The following ZC3HC1 variants were observed in gnomAD, a reference collection of about 807,000 sequenced individuals.
ZC3HC1 encodes zinc finger C3HC-type protein 1.
A neutral mutation model predicts 61.9 loss-of-function variants in ZC3HC1; 38 were observed. The ratio of observed to expected loss-of-function variants is 0.61; its 90% CI spans 0.47 to 0.81. The LOEUF is 0.81. Ranked by LOEUF, ZC3HC1 falls within the 30% of genes least tolerant of loss-of-function variation. The pLI is 0.00. For missense variants in ZC3HC1, 554 were observed against 622.7 expected (o/e 0.89, Z 1.17); for synonymous variants, 213 against 229.9 (o/e 0.93, Z 0.67).
chr7:130,024,406 C>G lies in ZC3HC1; in HGVS notation c.877G>C (p.Asp293His), dbSNP rs1306170163. 1 of 1,614,152 alleles carries G rather than the reference C, an allele frequency of 6.2e-7. No homozygotes were observed. The highest frequency in any genetic ancestry group is 2.2e-5 in the East Asian group (1 of 44,878). Reference protein sequence around the residue: ...GFQQIESSMTDLDASFGLTSS... With the variant: ...GFQQIESSMTHLDASFGLTSS... ...GTCAGGCCAAAGGATGCATCCAGGT[C>G]AGTCATGGACGATTCAATCTGCTGG... is the stretch of plus-strand genomic sequence containing the variant. Residue 293 changes from aspartate to histidine, a missense_variant, in exon 7 of 10, where the codon GAC (aspartate) becomes CAC (histidine). By Grantham distance (81) the Asp-to-His change is moderately conservative. Coordinates refer to ENST00000358303, the MANE Select transcript of ZC3HC1 (RefSeq NM_016478.5).
chr7:130,025,032 A>T (rs1476736667), intron 6 of ZC3HC1, among the ~76,000 whole-genome samples: 5 of 147,472 alleles, frequency 3.4e-5, no homozygotes, highest in Non-Finnish European at 7.4e-5. Flanking sequence ...CAGCCTCCTG[A>T]GTAGCTGGGA....
chr7:130,047,348 G>A (rs993368873), intron 2 of ZC3HC1, among the ~76,000 whole-genome samples: 1 of 151,890 alleles, frequency 6.6e-6, no homozygotes, highest in African/African-American at 2.4e-5. Context: ...CGCCCACCTT[G>A]GCCTCCTAAA....
chr7:130,024,090 G>C (rs1352230078), intron 7 of ZC3HC1, among the ~76,000 whole-genome samples, 173 bp downstream of exon 7: 1 of 152,150 alleles, frequency 6.6e-6, no homozygotes, highest in African/African-American at 2.4e-5. Context: ...GTGAGCCACC[G>C]GGTCTGGCTG....
chr7:130,030,457 C>G (rs1482053254), intron 4 of ZC3HC1, among the ~76,000 whole-genome samples: 2 of 152,082 alleles, frequency 1.3e-5, no homozygotes, highest in Non-Finnish European at 2.9e-5. Flanking sequence ...ACCTTGGCCT[C>G]CCAAAGTGCT....
chr7:130,043,050 C>T (rs1434456785), intron 2 of ZC3HC1, among the ~76,000 whole-genome samples: 2 of 151,996 alleles, frequency 1.3e-5, no homozygotes, highest in Non-Finnish European at 2.9e-5. Flanking sequence ...CTGAGACGGG[C>T]GGATCACTTG....
rs1183181309 is a variant in ZC3HC1, at chr7:130,024,166, A to G, written c.1020+97T>C. ...ATCGTAACCAATGTAGTGGGAAGAG[A>G]AGCCTATCCACCTAAATTAATTTCC... is the stretch of plus-strand genomic sequence containing the variant. On this transcript the variant is annotated intron_variant, in intron 7 of 9. Coordinates refer to ENST00000358303, the MANE Select transcript of ZC3HC1 (RefSeq NM_016478.5). The G allele has an allele frequency of 2.1e-6, 3 of 1,455,964 alleles. No individual in the cohort carries two copies. The Admixed American group carries it at 6.6e-5, about 32-fold the overall frequency. 90.2% of individuals were successfully genotyped at this position (1,455,964 alleles called of 1,614,324 possible).
At chr7:130,040,537 G>A (rs182430274) in intron 3 of ZC3HC1, among the ~76,000 whole-genome samples, 1 of 149,578 alleles carries the variant, frequency 6.7e-6, no homozygotes, top group African/African-American at 2.5e-5. Context: ...CAGGCACTAT[G>A]GCTTACCCCT....
intron 4 of ZC3HC1, among the ~76,000 whole-genome samples, chr7:130,034,583 T>C (rs1286315791): frequency 6.6e-6 from 1 of 151,330 alleles, no homozygotes; most frequent in Non-Finnish European, 1.5e-5. Flanking sequence ...TAACTTGGAA[T>C]TCCTGGGTTA....
At chr7:130,038,566 A>G (rs1050320991) in intron 4 of ZC3HC1, among the ~76,000 whole-genome samples, 2 of 152,146 alleles carry the variant, frequency 1.3e-5, no homozygotes, top group Non-Finnish European at 2.9e-5. Flanking sequence ...CACCTAAATG[A>G]ACTGGGTTAT....
At chr7:130,021,683 A>T (rs1301084736) in intron 9 of ZC3HC1, among the ~76,000 whole-genome samples, 1 of 152,230 alleles carries the variant, frequency 6.6e-6, no homozygotes, top group Non-Finnish European at 1.5e-5. Context: ...ATGAAAGAAA[A>T]AGCAGCTGTC....
chr7:130,022,238 T>G (rs892886091), intron 9 of ZC3HC1, 81 bp downstream of exon 9: 15 of 1,537,640 alleles, frequency 9.8e-6, no homozygotes, highest in Admixed American at 3.5e-5. Context: ...GCAGGCGGGG[T>G]GCTAATTATA....
intron 9 of ZC3HC1, among the ~76,000 whole-genome samples, chr7:130,021,592 G>A (rs988781795): frequency 6.6e-6 from 1 of 152,174 alleles, no homozygotes; most frequent in African/African-American, 2.4e-5. Flanking sequence ...CGTGCGGAAT[G>A]AGGCCATCAT....
chr7:130,041,090 C>A lies in ZC3HC1; in HGVS notation c.270G>T (p.Trp90Cys). ...GAGACAGCTCAAAGGGCTTACCTGC[C>A]CATTTCAAAGAGTATCCATGTTAAG... Reference protein sequence around the residue: ...SRVETFSSLKWAGKPFELSPL... With the variant: ...SRVETFSSLKCAGKPFELSPL... The change falls in exon 3 of 10, where the codon TGG becomes TGT. Residue 90 changes from tryptophan to cysteine, a missense_variant. Coordinates refer to ENST00000358303, the MANE Select transcript of ZC3HC1 (RefSeq NM_016478.5). The A allele has an allele frequency of 6.2e-7, 1 of 1,610,384 alleles. No homozygotes were observed. Among genetic ancestry groups the A allele is most frequent in the Non-Finnish European group, 8.5e-7 (1 of 1,179,228 alleles).
chr7:130,051,294 G>T lies in ZC3HC1; in HGVS notation c.73C>A (p.Pro25Thr), dbSNP rs779499534. 1 of 1,613,078 alleles carries T rather than the reference G, an allele frequency of 6.2e-7. No individual in the cohort carries two copies. Among genetic ancestry groups the T allele is most frequent in the African/African-American group, 1.3e-5 (1 of 74,980 alleles). The change falls in exon 1 of 10, where the codon CCA becomes ACA. Residue 25 changes from proline (P) to threonine (T), a missense_variant. Physicochemically the swap from Pro to Thr is conservative, Grantham distance 38. Coordinates refer to ENST00000358303, the MANE Select transcript of ZC3HC1 (RefSeq NM_016478.5). ...EKNWGAVVRS[P>T]EGTPQKIRQL... ...CGGATTTTCTGGGGGGTCCCTTCTG[G>T]GGAGCGAACTACTGCACCCCAATTC...
In ZC3HC1 at chr7:130,023,806, CTTTTTTT is replaced by C. The variant is rs544479881; in HGVS notation, c.1021-90_1021-84del. ...AATACTTCTTTCTTTAATCTTTTTT[CTTTTTTT>C]TTTTGAGACAGAGTCTCGCTTTGTT... On this transcript the variant is annotated intron_variant, in intron 7 of 9. Transcript: ENST00000358303. The surrounding 1 kb of genome is among the most constrained non-coding windows in gnomAD (Gnocchi z 4.2). 3 of 986,286 alleles carry C rather than the reference CTTTTTTT, an allele frequency of 3.0e-6. No individual in the cohort carries two copies. Among genetic ancestry groups the C allele is most frequent in the Non-Finnish European group, 4.2e-6 (3 of 720,338 alleles). The allele number at this position is 986,286 out of a possible 1,614,324, so 61.1% of individuals were successfully genotyped here.
chr7:130,026,351 C>A (rs773745367), intron 5 of ZC3HC1, 39 bp from the exon 6 acceptor site: 3 of 1,583,072 alleles, frequency 1.9e-6, no homozygotes, highest in Non-Finnish European at 1.7e-6. Context: ...TTTCAACCAC[C>A]ATAAAAAGAA....
chr7:130,021,395 C>A (rs918389441), intron 9 of ZC3HC1, among the ~76,000 whole-genome samples: 3 of 152,136 alleles, frequency 2.0e-5, no homozygotes, highest in Admixed American at 2.0e-4. Context: ...AGTGAGCCAG[C>A]GAAGGAGAGA....
Position 130,043,027 on chromosome 7 carries a change from G to A in ZC3HC1, c.259-1926C>T, listed in dbSNP as rs1054060414. On this transcript the variant is annotated intron_variant, in intron 2 of 9. Transcript: ENST00000358303. ...ATGTGGGCCGGGTGCGGTGGCCCCA[G>A]CACTTTGGGAGGCTGAGACGGGCGG... 7.2e-5 allele frequency among the ~76,000 whole-genome samples: 11 copies of A among 152,164 alleles called. 1 individual carries two copies. In the South Asian group the frequency reaches 2.3e-3, roughly 31 times the overall value.
At chr7:130,049,642 TC>T (rs1020423507) in intron 1 of ZC3HC1, among the ~76,000 whole-genome samples, 2 of 151,960 alleles carry the variant, frequency 1.3e-5, no homozygotes, top group Non-Finnish European at 2.9e-5. Flanking sequence ...CCTCCCAGGT[TC>T]AAGCAATTCT....
Sources: gnomAD v4.1 joint callset for allele counts (sites outside exome capture counted in the v4.1 genomes callset) on GRCh38, gnomAD v4.1.1 for gene constraint, Gnocchi (gnomAD v3.1) non-coding constraint, MANE v1.5 for transcripts, NCBI Gene and HGNC (gene_info 2026-07-23, HGNC 2026-07-21) for gene names.